The following HMCES variants were observed in gnomAD, a reference collection of about 807,000 sequenced individuals.
HMCES encodes abasic site processing protein HMCES.
HMCES carries 27 observed loss-of-function variants against 35.1 expected under a neutral mutation model. That is an observed-to-expected ratio of 0.77 (90% CI 0.57 to 1.06). The LOEUF is 1.06. HMCES is among the 50% of genes least tolerant of loss of function. The pLI, the probability that HMCES is intolerant of heterozygous loss-of-function variation, is 0.00. For synonymous variants in HMCES, 130 were observed against 154.7 expected (o/e 0.84, Z 1.18); for missense variants, 391 against 430.4 (o/e 0.91, Z 0.81).
chr3:129,281,220 CAA>C (rs371391074), intron 2 of HMCES, among the ~76,000 whole-genome samples: 1 of 141,782 alleles, frequency 7.1e-6, no homozygotes, highest in Non-Finnish European at 1.5e-5. Context: ...GACTCCATCT[CAA>C]AAAAAAAAAA....
Position 129,304,739 on chromosome 3 carries a change from A to C in HMCES, c.979A>C (p.Lys327Gln). Reference protein sequence around the residue: ...QFLQKSPLPTKRGTAGLLEQW... With the variant: ...QFLQKSPLPTQRGTAGLLEQW... ...CCTGCAGAAGAGTCCACTCCCCACC[A>C]AGAGAGGCACTGCAGGACTCCTAGA... Residue 327 changes from lysine (K) to glutamine (Q), a missense_variant, in exon 7 of 7, where the codon AAG becomes CAG. Lys to Gln is a moderately conservative substitution (Grantham distance 53, BLOSUM62 1). Transcript: ENST00000383463. The C allele has an allele frequency of 6.2e-7, 1 of 1,614,092 alleles. No individual in the cohort carries two copies. The highest frequency in any genetic ancestry group is 2.2e-5 in the East Asian group (1 of 44,884).
Position 129,302,119 on chromosome 3 carries a change from C to T in HMCES, c.805C>T (p.Pro269Ser). 1.2e-6 allele frequency: 2 copies of T among 1,613,010 alleles called. No homozygotes were observed. The highest frequency in any genetic ancestry group is 2.2e-5 in the East Asian group (1 of 44,880). ...SRNNTPECLA[P>S]VDLVVKKELR... Reference sequence around the variant, plus strand: ...AAACAACACTCCTGAGTGTCTGGCTCCTGTCGACTTGGTGGTCAAAAAGGT... The same window carrying T: ...AAACAACACTCCTGAGTGTCTGGCTTCTGTCGACTTGGTGGTCAAAAAGGT... Residue 269 changes from proline (P) to serine (S), a missense_variant, in exon 6 of 7, where the codon CCT becomes TCT. Pro to Ser is a moderately conservative substitution (Grantham distance 74, BLOSUM62 -1). Transcript: ENST00000383463.
Position 129,279,681 on chromosome 3 carries a change from G to A in HMCES, c.-23-29G>A, listed in dbSNP as rs1576975403. The A allele has an allele frequency of 2.5e-6, 4 of 1,597,524 alleles. No homozygotes were observed. The highest frequency in any genetic ancestry group is 3.4e-6 in the Non-Finnish European group (4 of 1,170,088). ...AAGACCTAATATTTGAGATACGTAA[G>A]CCTTTTCCTTACGTTTTGTAATTTA... On this transcript the variant is annotated intron_variant, in intron 1 of 6. Coordinates refer to ENST00000383463, the MANE Select transcript of HMCES (RefSeq NM_020187.3). This position sits in a 1 kb window ranked among gnomAD's most constrained non-coding sequence, Gnocchi z 4.2.
chr3:129,291,641 G>A (rs532721972), intron 4 of HMCES, among the ~76,000 whole-genome samples: 8 of 152,256 alleles, frequency 5.3e-5, no homozygotes, highest in Non-Finnish European at 1.0e-4. Flanking sequence ...TCCACTTCTT[G>A]GTTATTATGA....
intron 5 of HMCES, among the ~76,000 whole-genome samples, chr3:129,301,015 A>G (rs942634414): frequency 2.7e-5 from 4 of 146,274 alleles, no homozygotes; most frequent in Admixed American, 1.4e-4. Context: ...TGGGCAACAC[A>G]GTGAGACTCC....
rs752139104 is a variant in HMCES, at chr3:129,301,998, C to T, written c.684C>T (p.Asp228=). Residue 228 remains aspartate (D), a synonymous_variant, in exon 6 of 7, where the codon GAC becomes GAT. Coordinates refer to ENST00000383463, the MANE Select transcript of HMCES (RefSeq NM_020187.3). ...DGEEAVSKWL[D]FGEVSTQEAL... ...AGGAGGCAGTTTCTAAATGGCTTGACTTTGGTGAAGTCTCAACTCAGGAAG... is the reference window on the plus strand; with the variant it reads ...AGGAGGCAGTTTCTAAATGGCTTGATTTTGGTGAAGTCTCAACTCAGGAAG... 1.2e-6 allele frequency: 2 copies of T among 1,614,106 alleles called. No individual in the cohort carries two copies. The highest frequency in any genetic ancestry group is 1.1e-5 in the South Asian group (1 of 91,062).
In HMCES at chr3:129,288,912, G is replaced by C. The variant is rs1456100573; in HGVS notation, c.242G>C (p.Trp81Ser). 2 of 1,601,542 alleles carry C rather than the reference G, an allele frequency of 1.2e-6. No homozygotes were observed. The highest frequency in any genetic ancestry group is 1.7e-6 in the Non-Finnish European group (2 of 1,170,122). Residue 81 changes from tryptophan to serine, a missense_variant, in exon 3 of 7, where the codon TGG (tryptophan) becomes TCG (serine). Physicochemically the swap from Trp to Ser is radical, Grantham distance 177. Transcript: ENST00000383463. Reference sequence around the variant, plus strand: ...ATGCGCTGGGGCTTGGTCCCTTCTTGGTTCAAAGAAAGTGATCCTTCCAAG... The same window carrying C: ...ATGCGCTGGGGCTTGGTCCCTTCTTCGTTCAAAGAAAGTGATCCTTCCAAG... ...APMRWGLVPS[W>S]FKESDPSKLQ...
chr3:129,284,783 A>T (rs775699929), intron 2 of HMCES, among the ~76,000 whole-genome samples: 9 of 152,184 alleles, frequency 5.9e-5, no homozygotes, highest in Non-Finnish European at 1.2e-4. Context: ...GTAGTGGCAC[A>T]TGCCTATAAT....
rs900613627 is a variant in HMCES at position 129,288,739 on chromosome 3, A to C, written c.184-115A>C. ...GTTTTCAAGTAGATTCCCTGTTTAA[A>C]AATAATCTTGAATTCTTTATATTTC... On this transcript the variant is annotated intron_variant, in intron 2 of 6. Transcript: ENST00000383463. 1.2e-5 allele frequency: 11 copies of C among 902,226 alleles called. No homozygotes were observed. The Admixed American group carries it at 1.3e-4, about 10-fold the overall frequency. The allele number at this position is 902,226 out of a possible 1,614,324, so 55.9% of individuals were successfully genotyped here.
intron 6 of HMCES, among the ~76,000 whole-genome samples, chr3:129,302,873 T>G (rs1393112589): frequency 1.3e-5 from 2 of 151,868 alleles, no homozygotes; most frequent in East Asian, 1.9e-4. Flanking sequence ...AAAAAAAGCT[T>G]CTTTGATGAG....
intron 3 of HMCES, 131 bp downstream of exon 3, chr3:129,289,128 A>G: frequency 8.4e-6 from 6 of 715,170 alleles, no homozygotes; most frequent in Non-Finnish European, 1.1e-5. Context: ...CCAGTTGTTA[A>G]TGTGGAATGC....
chr3:129,293,171 C>T lies in HMCES; in HGVS notation c.453+2367C>T, dbSNP rs187368436. ...AGCAAGTTATTTTCTTATGTGCTATCCTGTAAGCCCAAGAATTTAGTCATT... is the reference window on the plus strand; with the variant it reads ...AGCAAGTTATTTTCTTATGTGCTATTCTGTAAGCCCAAGAATTTAGTCATT... On this transcript the variant is annotated intron_variant, in intron 4 of 6. Transcript: ENST00000383463. Among the ~76,000 whole-genome samples the T allele has an allele frequency of 3.3e-5, 5 of 152,270 alleles. No homozygotes were observed. In the East Asian group the frequency reaches 9.6e-4, roughly 29 times the overall value.
At chr3:129,289,083 C>A in intron 3 of HMCES, 86 bp downstream of exon 3, 1 of 1,072,402 alleles carries the variant, frequency 9.3e-7, no homozygotes, top group South Asian at 2.5e-5. Context: ...CAGAGGACAA[C>A]CAAAAATAAA....
intron 5 of HMCES, among the ~76,000 whole-genome samples, chr3:129,298,908 G>A (rs1251034292): frequency 6.6e-6 from 1 of 152,372 alleles, no homozygotes; most frequent in Admixed American, 6.5e-5. Context: ...ACTTTGGGAT[G>A]CTGAGGTGGG....
At chr3:129,303,165 G>A (rs1480928914) in intron 6 of HMCES, among the ~76,000 whole-genome samples, 1 of 152,128 alleles carries the variant, frequency 6.6e-6, no homozygotes, top group East Asian at 1.9e-4. Flanking sequence ...CCTGCAGTGG[G>A]GAGAGAAGTT....
Position 129,281,606 on chromosome 3 carries a change from G to T in HMCES, c.183+1691G>T, listed in dbSNP as rs371169357. ...CTTGGGAGGCTGAGGCAGGAGAATC[G>T]CTTGAACCCGGGAGGCGAAGGTTGG... is the stretch of plus-strand genomic sequence containing the variant. On this transcript the variant is annotated intron_variant, in intron 2 of 6. Transcript: ENST00000383463. Among the ~76,000 whole-genome samples the T allele has an allele frequency of 2.0e-5, 3 of 152,088 alleles. No individual in the cohort carries two copies. In the East Asian group the frequency reaches 5.8e-4, roughly 29 times the overall value.
rs562180048 is a variant in HMCES at position 129,279,381 on chromosome 3, C to A, written c.-23-329C>A. On this transcript the variant is annotated intron_variant, in intron 1 of 6. Transcript: ENST00000383463. This position sits in a 1 kb window ranked among gnomAD's most constrained non-coding sequence, Gnocchi z 4.2. ...GGGGAGTTGGGGGCACCAAGTCACC[C>A]GGAGGAGGCGACCCCAGCTAGCTGC... Among the ~76,000 whole-genome samples the A allele has an allele frequency of 6.6e-6, 1 of 152,108 alleles. No homozygotes were observed. The highest frequency in any genetic ancestry group is 1.5e-5 in the Non-Finnish European group (1 of 68,012).
chr3:129,285,809 A>C (rs1940624110), intron 2 of HMCES, among the ~76,000 whole-genome samples: 1 of 150,972 alleles, frequency 6.6e-6, no homozygotes, highest in Non-Finnish European at 1.5e-5. Context: ...AGTTCAATGC[A>C]ACCTGCACCT....
intron 4 of HMCES, among the ~76,000 whole-genome samples, chr3:129,293,489 T>C (rs754010326): frequency 6.6e-6 from 1 of 151,402 alleles, no homozygotes; most frequent in Non-Finnish European, 1.5e-5. Context: ...TAATAGCAAA[T>C]ATTAAGCACT....
Sources: allele counts gnomAD v4.1 joint callset (sites outside exome capture counted in the v4.1 genomes callset), GRCh38; gene constraint gnomAD v4.1.1; non-coding constraint Gnocchi (gnomAD v3.1); transcripts MANE v1.5; gene names NCBI Gene and HGNC (gene_info 2026-07-23, HGNC 2026-07-21).